Variants in CCDC77 observed in about 807,000 individuals in gnomAD.
CCDC77 encodes coiled-coil domain containing 77, also known as coiled-coil domain-containing protein 77.
CCDC77 carries 56 observed loss-of-function variants against 66.8 expected under a neutral mutation model. The observed-to-expected ratio is 0.84, with a 90% CI of 0.68 to 1.05. The LOEUF is 1.05. Ranked by LOEUF, CCDC77 falls within the 50% of genes least tolerant of loss-of-function variation. The pLI is 0.00. For synonymous variants in CCDC77, 196 were observed against 195.2 expected (o/e 1.00, Z -0.03); for missense variants, 570 against 576.8 (o/e 0.99, Z 0.12).
intron 10 of CCDC77, among the ~76,000 whole-genome samples, chr12:439,660 A>G (rs888495871): frequency 1.3e-5 from 2 of 151,808 alleles, no homozygotes; most frequent in Non-Finnish European, 2.9e-5. Flanking sequence ...GACACCTGTA[A>G]TCCCAGCTAC....
intron 5 of CCDC77, among the ~76,000 whole-genome samples, chr12:426,535 G>A (rs1945535627): frequency 6.6e-6 from 1 of 152,124 alleles, no homozygotes. Context: ...GGGTAGGGAG[G>A]GGCAGTTTCT....
chr12:415,309 T>TGTTAATATAATTAACATAA (rs1366398528), intron 4 of CCDC77, among the ~76,000 whole-genome samples: 1 of 112,570 alleles, frequency 8.9e-6, no homozygotes, highest in African/African-American at 3.5e-5. Context: ...CAACATAATA[T>TGTTAATATAATTAACATAA]TATGTTAATA....
chr12:436,187 G>C (rs1291059670), intron 9 of CCDC77, among the ~76,000 whole-genome samples: 1 of 140,326 alleles, frequency 7.1e-6, no homozygotes, highest in Non-Finnish European at 1.5e-5. Flanking sequence ...GCACAATCTC[G>C]GCTCACTGCA....
chr12:398,828 C>T (rs961038338), upstream of CCDC77, among the ~76,000 whole-genome samples: 10 of 151,712 alleles, frequency 6.6e-5, no homozygotes, highest in South Asian at 2.1e-4. Context: ...GGCACAATCT[C>T]GGCTCACTGC....
At chr12:416,563 G>A (rs1397967901) in intron 4 of CCDC77, among the ~76,000 whole-genome samples, 5 of 149,716 alleles carry the variant, frequency 3.3e-5, no homozygotes, top group African/African-American at 7.4e-5. Context: ...TATAGGGTGC[G>A]CCACCACACT....
Position 423,470 on chromosome 12 carries a change from GTTTTTTGTGTTTTTTTTTGTTTT to G in CCDC77, c.413+4835_413+4857del, listed in dbSNP as rs1398278625. On this transcript the variant is annotated intron_variant, in intron 5 of 12. Coordinates refer to ENST00000239830, the MANE Select transcript of CCDC77 (RefSeq NM_032358.4). ...TTGTTATTTTCTGGGTGTTTTTTGT[GTTTTTTGTGTTTTTTTTTGTTTT>G]GTTTTTTTTTTTTTTTTTTTGAGAC... Among the ~76,000 whole-genome samples, 127 of 44,868 alleles carry G rather than the reference GTTTTTTGTGTTTTTTTTTGTTTT, an allele frequency of 2.8e-3. 3 individuals carry two copies. The highest frequency in any genetic ancestry group is 8.7e-3 in the African/African-American group (117 of 13,510). 29.4% of individuals were successfully genotyped at this position (44,868 alleles called of 152,430 possible). A position where few individuals can be genotyped will look rare whatever the true frequency, so the allele number is the denominator to read the frequency against.
At chr12:389,592 G>A (rs905524780) in intron 1 of CCDC77, 6 of 181,916 alleles carry the variant, frequency 3.3e-5, no homozygotes, top group Non-Finnish European at 5.9e-5. Context: ...GGCGAGGCGC[G>A]ACGCGACGTG....
chr12:398,560 C>A (rs1944858188), upstream of CCDC77, among the ~76,000 whole-genome samples: 1 of 151,862 alleles, frequency 6.6e-6, no homozygotes, highest in East Asian at 1.9e-4. Flanking sequence ...CTGCCTCAGC[C>A]TCCCAAGGCT....
At chr12:423,499 T>G (rs568462621) in intron 5 of CCDC77, among the ~76,000 whole-genome samples, 1,751 of 81,522 alleles carry the variant, frequency 0.021, 55 homozygotes, top group Non-Finnish European at 0.029. Context: ...GTTTTGTTTT[T>G]TTTTTTTTTT....
chr12:428,027 AG>A (rs1945567545), intron 5 of CCDC77, among the ~76,000 whole-genome samples: 2 of 152,158 alleles, frequency 1.3e-5, no homozygotes, highest in Admixed American at 6.6e-5. Flanking sequence ...CTCATTGACC[AG>A]GCACTGGATA....
chr12:391,108 G>A (rs1944747646), intron 1 of CCDC77, among the ~76,000 whole-genome samples: 1 of 152,210 alleles, frequency 6.6e-6, no homozygotes, highest in African/African-American at 2.4e-5. Flanking sequence ...ACATTACAAA[G>A]GGGTGTAGAC....
intron 5 of CCDC77, among the ~76,000 whole-genome samples, chr12:423,470 G>GTGTTTTTTTTTTTTT (rs1565572116): frequency 2.2e-5 from 1 of 44,876 alleles, no homozygotes; most frequent in Admixed American, 3.3e-4. Flanking sequence ...TGTTTTTTGT[G>GTGTTTTTTTTTTTTT]TTTTTTGTGT....
intron 3 of CCDC77, 90 bp downstream of exon 3, chr12:409,511 A>G (rs1224915072): frequency 1.6e-6 from 2 of 1,253,878 alleles, no homozygotes; most frequent in Non-Finnish European, 2.3e-6. Context: ...TATTGGAAAC[A>G]TATTTCCTAA....
At chr12:438,976 G>T (rs1332780768) in intron 10 of CCDC77, among the ~76,000 whole-genome samples, 1 of 151,996 alleles carries the variant, frequency 6.6e-6, no homozygotes, top group African/African-American at 2.4e-5. Context: ...TACTTGGGAG[G>T]CTGAGGCAGG....
intron 5 of CCDC77, among the ~76,000 whole-genome samples, chr12:424,784 G>A (rs573141016): frequency 1.3e-5 from 2 of 151,948 alleles, no homozygotes; most frequent in African/African-American, 2.4e-5. Context: ...TAGCTCTTAC[G>A]TCTAGGTCTT....
At chr12:414,185 G>A (rs1409803297) in intron 4 of CCDC77, among the ~76,000 whole-genome samples, 5 of 150,362 alleles carry the variant, frequency 3.3e-5, no homozygotes, top group East Asian at 3.9e-4. Context: ...CCTGTCTCCC[G>A]GGTTCAAACG....
chr12:415,699 C>T (rs947209522), intron 4 of CCDC77, among the ~76,000 whole-genome samples: 15 of 151,946 alleles, frequency 9.9e-5, no homozygotes, highest in East Asian at 5.8e-4. Context: ...GTGGTGCGAT[C>T]ATAGCTCACT....
chr12:432,016 A>G, intron 8 of CCDC77, 62 bp downstream of exon 8: 1 of 944,908 alleles, frequency 1.1e-6, no homozygotes, highest in South Asian at 1.4e-5. Flanking sequence ...TCTATGTCAC[A>G]TACCCTCAGT....
intron 10 of CCDC77, among the ~76,000 whole-genome samples, chr12:439,492 C>T (rs10774191): frequency 0.23 from 34,447 of 149,544 alleles, 4,186 homozygotes; most frequent in Non-Finnish European, 0.26. Flanking sequence ...TGTACTCCAG[C>T]CTGGGCGACA....
Sources: allele counts gnomAD v4.1 joint callset (sites outside exome capture counted in the v4.1 genomes callset), GRCh38; gene constraint gnomAD v4.1.1; transcripts MANE v1.5; gene names NCBI Gene and HGNC (gene_info 2026-07-23, HGNC 2026-07-21).